Variants in CCBE1 observed in about 807,000 individuals in gnomAD.
CCBE1 encodes collagen and calcium-binding EGF domain-containing protein 1.
CCBE1 carries 37 observed loss-of-function variants against 50.0 expected under a neutral mutation model. The observed-to-expected ratio is 0.74, with a 90% confidence interval of 0.57 to 0.97. The LOEUF (loss-of-function observed/expected upper bound fraction) is 0.97. Among genes scored for constraint, CCBE1 ranks in the 50% least tolerant of loss-of-function variants. The pLI, the probability that CCBE1 is intolerant of heterozygous loss-of-function variation, is 0.00. For synonymous variants in CCBE1, 234 were observed against 203.7 expected, an observed-to-expected ratio of 1.15 and a Z score of -1.27; for missense variants, 538 against 523.8, an observed-to-expected ratio of 1.03 and a Z score of -0.26.
intron 2 of CCBE1, among the ~76,000 whole-genome samples, chr18:59,545,457 A>G (rs375165158): frequency 3.3e-5 from 5 of 152,276 alleles, no homozygotes; most frequent in African/African-American, 1.2e-4. Context: ...TCCACTCAAA[A>G]TATTTGGGAT....
At chr18:59,554,087 G>T (rs1033943931) in intron 2 of CCBE1, among the ~76,000 whole-genome samples, 2 of 152,224 alleles carry the variant, frequency 1.3e-5, no homozygotes, top group African/African-American at 2.4e-5. Context: ...ACTGCAACCA[G>T]TAATTCCCGG....
intron 2 of CCBE1, among the ~76,000 whole-genome samples, chr18:59,488,101 C>A (rs767101065): frequency 1.3e-5 from 2 of 152,164 alleles, no homozygotes; most frequent in Admixed American, 1.3e-4. Flanking sequence ...AGGAGAAATA[C>A]GGCATGATTC....
At chr18:59,517,253 T>G (rs1462249751) in intron 2 of CCBE1, among the ~76,000 whole-genome samples, 1 of 152,232 alleles carries the variant, frequency 6.6e-6, no homozygotes, top group Non-Finnish European at 1.5e-5. Flanking sequence ...CAAACTGGCT[T>G]TTATTGATTC....
intron 6 of CCBE1, among the ~76,000 whole-genome samples, chr18:59,448,974 G>A (rs372899950): frequency 1.4e-4 from 21 of 152,210 alleles, no homozygotes; most frequent in East Asian, 7.7e-4. Flanking sequence ...GAGGAAAGGA[G>A]TGAACCTCTT....
intron 2 of CCBE1, among the ~76,000 whole-genome samples, chr18:59,490,302 G>A (rs933798465): frequency 2.6e-5 from 4 of 151,536 alleles, no homozygotes; most frequent in East Asian, 1.9e-4. Flanking sequence ...TTATTTTTAC[G>A]TAACAAAATA....
intron 2 of CCBE1, among the ~76,000 whole-genome samples, chr18:59,680,534 T>C (rs2054573748): frequency 6.6e-6 from 1 of 151,286 alleles, no homozygotes; most frequent in Non-Finnish European, 1.5e-5. Flanking sequence ...CTGTCTCTAC[T>C]AAAAACACAA....
chr18:59,583,690 C>CGTGTGTGTGTGTGTGT (rs1458850358), intron 2 of CCBE1, among the ~76,000 whole-genome samples: 1 of 133,306 alleles, frequency 7.5e-6, no homozygotes, highest in African/African-American at 2.8e-5. Flanking sequence ...TGCGCGCGCG[C>CGTGTGTGTGTGTGTGT]GCGCGCGCGC....
chr18:59,547,121 G>A (rs1245129024), intron 2 of CCBE1, among the ~76,000 whole-genome samples: 5 of 148,146 alleles, frequency 3.4e-5, no homozygotes, highest in Non-Finnish European at 7.5e-5. Context: ...GGGGAAGAGA[G>A]GAAAGGAGAG....
chr18:59,638,334 C>T (rs2053942075), intron 2 of CCBE1, among the ~76,000 whole-genome samples: 1 of 152,196 alleles, frequency 6.6e-6, no homozygotes, highest in East Asian at 1.9e-4. Flanking sequence ...TAAAGCGTTT[C>T]AAGATCAGCA....
intron 7 of CCBE1, among the ~76,000 whole-genome samples, chr18:59,446,613 T>G (rs760971162): frequency 1.3e-5 from 2 of 152,208 alleles, no homozygotes; most frequent in Non-Finnish European, 2.9e-5. Flanking sequence ...AAATCCTCCG[T>G]GAAGAACTCT....
intron 2 of CCBE1, among the ~76,000 whole-genome samples, chr18:59,511,458 G>C (rs1914128312): frequency 2.0e-5 from 3 of 152,134 alleles, no homozygotes; most frequent in Non-Finnish European, 4.4e-5. Context: ...TTTACAGTTG[G>C]GCTGAGCCAA....
intron 2 of CCBE1, among the ~76,000 whole-genome samples, chr18:59,682,207 C>T (rs1282966117): frequency 6.6e-6 from 1 of 152,150 alleles, no homozygotes; most frequent in Non-Finnish European, 1.5e-5. Flanking sequence ...ACTAAAAATA[C>T]AAATATTAGC....
Position 59,434,943 on chromosome 18 carries a change from C to CA in CCBE1, c.*964dup, listed in dbSNP as rs2143600269. The CA allele has an allele frequency of 6.6e-6, 1 of 152,324 alleles. No homozygotes were observed. Among genetic ancestry groups the CA allele is most frequent in the South Asian group, 2.1e-4 (1 of 4,824 alleles). 9.4% of individuals were successfully genotyped at this position (152,324 alleles called of 1,614,324 possible). On this transcript the variant is annotated 3_prime_UTR_variant, in exon 11 of 11. Transcript: ENST00000439986. ...ACTTCAGCCCCACTGTATATTGGTT[C>CA]AGCCTGGATCATGGCACCTAATGGT...
At chr18:59,620,198 G>A (rs1479884344) in intron 2 of CCBE1, among the ~76,000 whole-genome samples, 1 of 152,182 alleles carries the variant, frequency 6.6e-6, no homozygotes, top group Non-Finnish European at 1.5e-5. Flanking sequence ...AGGTAGCCTA[G>A]AAGTTTCTCC....
At chr18:59,603,285 T>A (rs1352180610) in intron 2 of CCBE1, among the ~76,000 whole-genome samples, 2 of 152,184 alleles carry the variant, frequency 1.3e-5, no homozygotes, top group Non-Finnish European at 2.9e-5. Flanking sequence ...GTTGAAGGAA[T>A]GAGAGAAGCT....
chr18:59,446,141 A>G (rs1910657881), intron 7 of CCBE1, among the ~76,000 whole-genome samples: 2 of 152,196 alleles, frequency 1.3e-5, no homozygotes, highest in African/African-American at 4.8e-5. Flanking sequence ...TCTGTTGCAA[A>G]AGCTTATTCA....
At chr18:59,588,580 T>C (rs1349703975) in intron 2 of CCBE1, among the ~76,000 whole-genome samples, 2 of 152,172 alleles carry the variant, frequency 1.3e-5, no homozygotes, top group Admixed American at 6.5e-5. Context: ...TTAACTCTTG[T>C]AGGTAATTTT....
intron 7 of CCBE1, among the ~76,000 whole-genome samples, chr18:59,443,950 TTTAA>T (rs1910559115): frequency 1.3e-5 from 2 of 152,188 alleles, no homozygotes; most frequent in African/African-American, 2.4e-5. Context: ...TTTCTATGAG[TTTAA>T]TTATTTTAGA....
At chr18:59,693,491 A>G in intron 2 of CCBE1, among the ~76,000 whole-genome samples, 1 of 152,182 alleles carries the variant, frequency 6.6e-6, no homozygotes, top group Non-Finnish European at 1.5e-5. Flanking sequence ...AAGGGGGAAA[A>G]AAAGAACCAC....
Sources: gnomAD v4.1 joint callset for allele counts (sites outside exome capture counted in the v4.1 genomes callset) on GRCh38, gnomAD v4.1.1 for gene constraint, MANE v1.5 for transcripts, NCBI Gene and HGNC (gene_info 2026-07-23, HGNC 2026-07-21) for gene names.